BOD1L1: variants seen among roughly 807,000 people sequenced by gnomAD.
BOD1L1 encodes biorientation of chromosomes in cell division 1 like 1.
BOD1L1 carries 86 observed loss-of-function variants against 240.7 expected under a neutral mutation model. The ratio of observed to expected loss-of-function variants is 0.36; its 90% CI spans 0.30 to 0.43. The LOEUF (loss-of-function observed/expected upper bound fraction) is 0.43. BOD1L1 is among the 20% of genes least tolerant of loss of function. The pLI is 1.00. For missense variants in BOD1L1, 3,554 were observed against 3,643.5 expected, an observed-to-expected ratio of 0.98 and a Z score of 0.63; for synonymous variants, 1,268 against 1,272.3, an observed-to-expected ratio of 1.00 and a Z score of 0.07.
intron 17 of BOD1L1, among the ~76,000 whole-genome samples, chr4:13,584,405 T>C (rs1042539244): frequency 2.0e-5 from 3 of 150,344 alleles, no homozygotes; most frequent in Non-Finnish European, 4.4e-5. Flanking sequence ...AGAGTCAGCA[T>C]GTGTGCGTGT....
chr4:13,615,267 C>A, intron 3 of BOD1L1, 45 bp downstream of exon 3: 1 of 1,486,210 alleles, frequency 6.7e-7, no homozygotes, highest in South Asian at 1.4e-5. Context: ...ATATTCAGTT[C>A]AAGAAGAAAA....
Position 13,600,927 on chromosome 4 carries a change from G to A in BOD1L1, c.5973C>T (p.Leu1991=), listed in dbSNP as rs761353742. ...SAASDQSDSQ[L]EKVEDTTIST... is the part of the protein sequence containing the mutation. ...AAATAGTGGTATCTTCAACTTTTTC[G>A]AGCTGACTGTCACTTTGATCAGATG... Residue 1991 remains leucine (L), a synonymous_variant, in exon 10 of 26, where the codon CTC becomes CTT. Coordinates refer to ENST00000040738, the MANE Select transcript of BOD1L1 (RefSeq NM_148894.3). 44 of 1,613,734 alleles carry A rather than the reference G, an allele frequency of 2.7e-5. No individual in the cohort carries two copies. In the East Asian group the frequency reaches 6.9e-4, roughly 25 times the overall value.
chr4:13,622,836 T>C (rs1717131482), intron 1 of BOD1L1, among the ~76,000 whole-genome samples: 1 of 152,246 alleles, frequency 6.6e-6, no homozygotes, highest in African/African-American at 2.4e-5. Flanking sequence ...AGTCAGATCA[T>C]GTCCTTCTTT....
chr4:13,620,108 AG>A, intron 1 of BOD1L1, 41 bp from the exon 2 acceptor site: 1 of 1,549,374 alleles, frequency 6.5e-7, no homozygotes, highest in Non-Finnish European at 8.7e-7. Context: ...AAGGTTATAC[AG>A]TATCAATATT....
At chr4:13,570,270 G>A (rs749332758) in intron 25 of BOD1L1, 142 bp from the exon 26 acceptor site, 6 of 552,962 alleles carry the variant, frequency 1.1e-5, no homozygotes, top group African/African-American at 4.0e-5. Context: ...ATGAAAAGGA[G>A]CTACCTCGCG....
rs1384170294 is a variant in BOD1L1, at chr4:13,600,535, G to A, written c.6365C>T (p.Ala2122Val). The A allele has an allele frequency of 1.2e-6, 2 of 1,613,954 alleles. No homozygotes were observed. Among genetic ancestry groups the A allele is most frequent in the Middle Eastern group, 1.6e-4 (1 of 6,062 alleles). ...TEEFEAPMPS[A>V]VSGDDSQLTA... ...GAGTTGGCTGTCATCTCCTGAGACT[G>A]CACTGGGCATGGGGGCCTCAAATTC... Residue 2122 changes from alanine to valine, a missense_variant, in exon 10 of 26, where the codon GCA (alanine) becomes GTA (valine). Transcript: ENST00000040738.
chr4:13,572,482 C>G (rs1037360260), intron 25 of BOD1L1, among the ~76,000 whole-genome samples: 1 of 152,222 alleles, frequency 6.6e-6, no homozygotes, highest in Non-Finnish European at 1.5e-5. Context: ...TCACAGGTGT[C>G]AAGGACAAGC....
intron 17 of BOD1L1, 22 bp from the exon 18 acceptor site, chr4:13,582,758 C>A: frequency 6.6e-7 from 1 of 1,511,724 alleles, no homozygotes; most frequent in Non-Finnish European, 9.2e-7. Context: ...TTGAAAAAGA[C>A]TAGAACCTTC....
In BOD1L1 at chr4:13,605,039, C is replaced by A; in HGVS notation, c.1861G>T (p.Val621Phe). The A allele has an allele frequency of 6.3e-7, 1 of 1,596,388 alleles. No homozygotes were observed. The highest frequency in any genetic ancestry group is 8.5e-7 in the Non-Finnish European group (1 of 1,174,798). ...TTACTTGGTTCACTTTTTGCATGAACATGCTTCAGCTCCTTTGAAGAAGAA... is the reference window on the plus strand; with the variant it reads ...TTACTTGGTTCACTTTTTGCATGAAAATGCTTCAGCTCCTTTGAAGAAGAA... ...KISSSKELKH[V>F]HAKSEPSKPA... Residue 621 changes from valine (V) to phenylalanine (F), a missense_variant, in exon 10 of 26, where the codon GTT becomes TTT. By Grantham distance (50) the Val-to-Phe change is conservative. This residue lies in a region of BOD1L1 where 3,393 missense variants were observed against 3,427.1 expected (regional missense o/e 0.99). Coordinates refer to ENST00000040738, the MANE Select transcript of BOD1L1 (RefSeq NM_148894.3).
intron 17 of BOD1L1, among the ~76,000 whole-genome samples, chr4:13,584,370 G>A (rs917738731): frequency 6.6e-6 from 1 of 151,724 alleles, no homozygotes; most frequent in Non-Finnish European, 1.5e-5. Flanking sequence ...GTGTGAGAGA[G>A]AGAGACAGAG....
chr4:13,626,764 C>T (rs926291359), intron 1 of BOD1L1, among the ~76,000 whole-genome samples: 3 of 152,110 alleles, frequency 2.0e-5, no homozygotes, highest in Non-Finnish European at 4.4e-5. Flanking sequence ...TTCTCTCTAC[C>T]CCACCTTCCT....
At chr4:13,605,523 C>A (rs1560207932) in intron 9 of BOD1L1, among the ~76,000 whole-genome samples, 1 of 152,110 alleles carries the variant, frequency 6.6e-6, no homozygotes, top group Non-Finnish European at 1.5e-5. Context: ...TTATTTCATT[C>A]CGAGTCTAGT....
chr4:13,597,237 T>G, intron 10 of BOD1L1, 69 bp from the exon 11 acceptor site: 1 of 1,195,596 alleles, frequency 8.4e-7, no homozygotes, highest in Non-Finnish European at 1.2e-6. Context: ...GGTCAAAAAG[T>G]AATGGAATGT....
Position 13,606,592 on chromosome 4 carries a change from C to T in BOD1L1, c.1815+525G>A, listed in dbSNP as rs115153175. On this transcript the variant is annotated intron_variant, in intron 9 of 25. Coordinates refer to ENST00000040738, the MANE Select transcript of BOD1L1 (RefSeq NM_148894.3). ...GATCAAATCTTGGAAACAACCTAAG[C>T]GCTAAAATATAAGGACATGCTTAAA... is the stretch of plus-strand genomic sequence containing the variant. Among the ~76,000 whole-genome samples the T allele has an allele frequency of 3.1e-3, 465 of 152,190 alleles. 3 individuals are homozygous for T. The highest frequency in any genetic ancestry group is 0.027 in the Middle Eastern group (8 of 294).
At position 13,601,074 on chromosome 4, in the gene BOD1L1, T is replaced by C; in HGVS notation, c.5826A>G (p.Lys1942=). The C allele has an allele frequency of 6.2e-7, 1 of 1,613,956 alleles. No homozygotes were observed. The highest frequency in any genetic ancestry group is 1.7e-5 in the Admixed American group (1 of 60,020). Residue 1942 remains lysine, a synonymous_variant, in exon 10 of 26, where the codon AAA becomes AAG. Transcript: ENST00000040738. ...DSMSGTEKGS[K]DTDICSSAKG... is the part of the protein sequence containing the mutation. ...TTGCACTGGAGCAGATATCTGTGTC[T>C]TTACTTCCTTTCTCTGTGCCACTCA... is the stretch of plus-strand genomic sequence containing the variant.
chr4:13,596,020 A>C, intron 11 of BOD1L1, 76 bp from the exon 12 acceptor site: 1 of 1,160,112 alleles, frequency 8.6e-7, no homozygotes, highest in Non-Finnish European at 1.2e-6. Context: ...TGAATTAAAC[A>C]AAAAAAAACC....
Position 13,586,382 on chromosome 4 carries a change from T to A in BOD1L1, c.8433+14A>T. ...CCCCACCCAAAACTTAAAACTAATA[T>A]GTGGAAAAAATACCTTTGTGTCATG... On this transcript the variant is annotated intron_variant, in intron 17 of 25. Coordinates refer to ENST00000040738, the MANE Select transcript of BOD1L1 (RefSeq NM_148894.3). The A allele has an allele frequency of 1.3e-6, 2 of 1,591,744 alleles. No individual in the cohort carries two copies. The highest frequency in any genetic ancestry group is 1.7e-6 in the Non-Finnish European group (2 of 1,162,260).
chr4:13,607,895 A>C (rs547349549), intron 8 of BOD1L1, among the ~76,000 whole-genome samples: 28 of 152,282 alleles, frequency 1.8e-4, no homozygotes, highest in Non-Finnish European at 2.9e-4. Flanking sequence ...AGAGCTTACT[A>C]CTCTTACCAA....
chr4:13,574,483 A>C (rs930913280), intron 25 of BOD1L1, among the ~76,000 whole-genome samples: 1 of 152,222 alleles, frequency 6.6e-6, no homozygotes, highest in African/African-American at 2.4e-5. Flanking sequence ...GAACCATATA[A>C]ATCAAATAAG....
Sources: gnomAD v4.1 joint callset for allele counts (sites outside exome capture counted in the v4.1 genomes callset) on GRCh38, gnomAD v4.1.1 for gene constraint, gnomAD v4.1.1 regional missense constraint, MANE v1.5 for transcripts, NCBI Gene and HGNC (gene_info 2026-07-23, HGNC 2026-07-21) for gene names.